ITGA8: variants seen among roughly 807,000 people sequenced by gnomAD.
ITGA8 encodes the protein integrin subunit alpha 8.
In ITGA8, 91 loss-of-function variants were observed where a neutral mutation model predicts 142.3. The observed-to-expected ratio is 0.64, with a 90% CI of 0.54 to 0.76. The LOEUF (loss-of-function observed/expected upper bound fraction) is 0.76, where lower values mean the gene tolerates loss of function less well. ITGA8 is among the 30% of genes least tolerant of loss of function. ITGA8 has a pLI of 0.00. For synonymous variants in ITGA8, 505 were observed against 485.2 expected (o/e 1.04, Z -0.54); for missense variants, 1,406 against 1,327.7 (o/e 1.06, Z -0.92).
At position 15,607,689 on chromosome 10, in the gene ITGA8, G is replaced by T; in HGVS notation, c.1752C>A (p.Ile584=). The T allele has an allele frequency of 6.2e-7, 1 of 1,613,752 alleles. No homozygotes were observed. Among genetic ancestry groups the T allele is most frequent in the Non-Finnish European group, 8.5e-7 (1 of 1,179,714 alleles). Residue 584 remains isoleucine, a synonymous_variant, in exon 17 of 30, where the codon ATC becomes ATA. Coordinates refer to ENST00000378076, the MANE Select transcript of ITGA8 (RefSeq NM_003638.3). The part of the protein sequence containing the change: ...RQKSHQCQDF[I]VYLRDETEFR... The stretch of plus-strand genomic sequence containing the variant: ...CTGGAATACTTACTCGAAGGTAAAC[G>T]ATGAAATCCTGGCACTGGTGGGATT...
chr10:15,606,452 G>T, intron 17 of ITGA8, 30 bp from the exon 18 acceptor site: 1 of 1,572,136 alleles, frequency 6.4e-7, no homozygotes, highest in Non-Finnish European at 8.7e-7. Flanking sequence ...ACTCAACAGA[G>T]GCTCCATGAA....
At chr10:15,558,273 A>G (rs745638635) in intron 25 of ITGA8, 71 bp from the exon 26 acceptor site, 4 of 1,560,588 alleles carry the variant, frequency 2.6e-6, no homozygotes, top group East Asian at 2.3e-5. Context: ...TTAGCCTTGA[A>G]CTCTAGGCAA....
At chr10:15,653,082 T>A (rs1401033481) in intron 11 of ITGA8, among the ~76,000 whole-genome samples, 1 of 152,092 alleles carries the variant, frequency 6.6e-6, no homozygotes, top group Non-Finnish European at 1.5e-5. Context: ...CTCCCCAGGG[T>A]TCACGCTCCA....
At chr10:15,523,559 T>A (rs1180729013) in intron 28 of ITGA8, among the ~76,000 whole-genome samples, 1 of 152,118 alleles carries the variant, frequency 6.6e-6, no homozygotes, top group Non-Finnish European at 1.5e-5. Flanking sequence ...AATTCTGAAA[T>A]TCTCATCATC....
At chr10:15,685,518 T>C (rs1834818841) in intron 3 of ITGA8, among the ~76,000 whole-genome samples, 1 of 152,208 alleles carries the variant, frequency 6.6e-6, no homozygotes, top group Non-Finnish European at 1.5e-5. Flanking sequence ...TGCATGCCTA[T>C]CAGATAGAAG....
chr10:15,689,660 A>G (rs1389919494), intron 2 of ITGA8, among the ~76,000 whole-genome samples: 1 of 152,214 alleles, frequency 6.6e-6, no homozygotes, highest in Non-Finnish European at 1.5e-5. Flanking sequence ...CCATCTGGAA[A>G]CAGGAGCCAC....
At chr10:15,582,425 T>TA (rs1834425765) in intron 23 of ITGA8, among the ~76,000 whole-genome samples, 2 of 152,220 alleles carry the variant, frequency 1.3e-5, no homozygotes, top group South Asian at 4.2e-4. Context: ...CACAAAACAT[T>TA]AAAAAATCAA....
intron 6 of ITGA8, among the ~76,000 whole-genome samples, chr10:15,677,248 C>T (rs1337241483): frequency 6.6e-6 from 1 of 151,932 alleles, no homozygotes; most frequent in Non-Finnish European, 1.5e-5. Flanking sequence ...ATATAGTTAA[C>T]AACAATTTAT....
intron 22 of ITGA8, 57 bp downstream of exon 22, chr10:15,592,168 C>T: frequency 7.7e-7 from 1 of 1,299,198 alleles, no homozygotes. Flanking sequence ...CATCATTTCA[C>T]TGTGGATCTC....
Position 15,519,369 on chromosome 10 carries a change from G to A in ITGA8, c.3026C>T (p.Ser1009Leu). 6.2e-7 allele frequency: 1 copy of A among 1,613,622 alleles called. No individual in the cohort carries two copies. Among genetic ancestry groups the A allele is most frequent in the Non-Finnish European group, 8.5e-7 (1 of 1,179,650 alleles). ...TAGTATTATTACCCATAATGGGATT[G>A]AGAAGGAAACATTCGGAGTTGCCCA... Reference protein sequence around the residue: ...VIWATPNVSFSIPLWVIILAI... With the variant: ...VIWATPNVSFLIPLWVIILAI... The change falls in exon 29 of 30, where the codon TCA becomes TTA. Residue 1009 changes from serine (S) to leucine (L), a missense_variant. By Grantham distance (145) the Ser-to-Leu change is moderately radical (BLOSUM62 -2). Coordinates refer to ENST00000378076, the MANE Select transcript of ITGA8 (RefSeq NM_003638.3).
intron 28 of ITGA8, among the ~76,000 whole-genome samples, chr10:15,527,067 G>A (rs1446632377): frequency 6.6e-6 from 1 of 152,142 alleles, no homozygotes; most frequent in Non-Finnish European, 1.5e-5. Context: ...ACATACTTCA[G>A]TGGGGTCAGA....
At chr10:15,607,435 C>G (rs1396709353) in intron 17 of ITGA8, among the ~76,000 whole-genome samples, 1 of 152,006 alleles carries the variant, frequency 6.6e-6, no homozygotes, top group Non-Finnish European at 1.5e-5. Flanking sequence ...AGCTGAATGC[C>G]ATTATAAAGA....
At chr10:15,622,608 A>T (rs2353418) in intron 13 of ITGA8, among the ~76,000 whole-genome samples, 36,448 of 151,344 alleles carry the variant, frequency 0.24, 4,521 homozygotes, top group Admixed American at 0.33. Flanking sequence ...AAAACAAAAA[A>T]AAAACCACAT....
intron 26 of ITGA8, among the ~76,000 whole-genome samples, chr10:15,555,813 AG>A (rs1449909436): frequency 4.9e-5 from 7 of 143,058 alleles, no homozygotes; most frequent in Admixed American, 4.7e-4. Context: ...CTCCTGCCTC[AG>A]CCTCCCGAGG....
At chr10:15,598,533 G>A (rs1050670864) in intron 20 of ITGA8, among the ~76,000 whole-genome samples, 1 of 152,174 alleles carries the variant, frequency 6.6e-6, no homozygotes, top group African/African-American at 2.4e-5. Flanking sequence ...CACACTTTGA[G>A]AATATAAGCT....
At chr10:15,671,224 G>A (rs1048954115) in intron 8 of ITGA8, among the ~76,000 whole-genome samples, 2 of 152,152 alleles carry the variant, frequency 1.3e-5, no homozygotes, top group African/African-American at 4.8e-5. Context: ...TTGGATTGGA[G>A]TTCGTTGGGG....
chr10:15,608,256 G>C lies in ITGA8; in HGVS notation c.1588C>G (p.Gln530Glu). Residue 530 changes from glutamine to glutamate, a missense_variant, in exon 16 of 30, where the codon CAG becomes GAG. Coordinates refer to ENST00000378076, the MANE Select transcript of ITGA8 (RefSeq NM_003638.3). The part of the protein sequence containing the change: ...SLRVCASVTG[Q>E]SIANTIVLMA... ...TTACCTATTGTGTTTGCAATGCTCT[G>C]GCCTGTGACAGATGCACATACTCTT... 1.9e-6 allele frequency: 3 copies of C among 1,597,500 alleles called. No individual in the cohort carries two copies. Among genetic ancestry groups the C allele is most frequent in the Non-Finnish European group, 2.6e-6 (3 of 1,172,988 alleles).
intron 21 of ITGA8, among the ~76,000 whole-genome samples, chr10:15,592,997 T>A (rs1459449513): frequency 6.6e-6 from 1 of 152,234 alleles, no homozygotes; most frequent in African/African-American, 2.4e-5. Context: ...ATGCTTCTAA[T>A]GTAATAACAA....
At chr10:15,590,927 C>G (rs1832910521) in intron 22 of ITGA8, among the ~76,000 whole-genome samples, 1 of 152,084 alleles carries the variant, frequency 6.6e-6, no homozygotes, top group Admixed American at 6.6e-5. Context: ...GAAAACCTTC[C>G]TCTCTAGAAA....
Sources: gnomAD v4.1 joint callset for allele counts (sites outside exome capture counted in the v4.1 genomes callset) on GRCh38, gnomAD v4.1.1 for gene constraint, MANE v1.5 for transcripts, NCBI Gene and HGNC (gene_info 2026-07-23, HGNC 2026-07-21) for gene names.